SLC25A14: variants seen among roughly 807,000 people sequenced by gnomAD.
SLC25A14 encodes solute carrier family 25 member 14, also known as brain mitochondrial carrier protein 1.
Under a neutral mutation model 28.1 loss-of-function variants are expected in SLC25A14, and 8 were observed. That is an observed-to-expected ratio of 0.28 (90% CI 0.17 to 0.51). SLC25A14 has a LOEUF of 0.51. SLC25A14 is among the 20% of genes least tolerant of loss of function. The pLI, the probability that SLC25A14 is intolerant of heterozygous loss-of-function variation, is 0.97. For synonymous variants in SLC25A14, 74 were observed against 90.6 expected (o/e 0.82, Z 1.04); for missense variants, 135 against 263.8 (o/e 0.51, Z 3.38).
chrX:130,344,466 G>A (rs959789458), intron 2 of SLC25A14, among the ~76,000 whole-genome samples: 8 of 111,520 alleles, frequency 7.2e-5, no homozygotes, highest in African/African-American at 2.3e-4. Context: ...AGCAGAATAC[G>A]TTGTTAAAGA....
intron 4 of SLC25A14, among the ~76,000 whole-genome samples, chrX:130,348,843 A>G (rs1356427600): frequency 1.2e-5 from 1 of 86,044 alleles, no homozygotes; most frequent in Non-Finnish European, 2.1e-5. Flanking sequence ...TTCCCTCAGC[A>G]CTGCTTTGGC....
chrX:130,363,279 A>G (rs1000821118), intron 7 of SLC25A14, among the ~76,000 whole-genome samples: 2 of 112,461 alleles, frequency 1.8e-5, no homozygotes, highest in Middle Eastern at 4.6e-3. Context: ...TAGGTATTTC[A>G]TGTAAATGGA....
chrX:130,373,160 T>TGA lies in SLC25A14; in HGVS notation c.*213_*214dup. ...TTTCCCCGAGAGAAAGTGTTAACAT[T>TGA]GAGACTCTGGCCCCAGATTGGTATC... On this transcript the variant is annotated 3_prime_UTR_variant, in exon 11 of 11. Coordinates refer to ENST00000545805, the MANE Select transcript of SLC25A14 (RefSeq NM_001282195.2). 5.4e-6 allele frequency: 2 copies of TGA among 369,712 alleles called. 1 individual carries two copies. Among genetic ancestry groups the TGA allele is most frequent in the Middle Eastern group, 1.5e-3 (2 of 1,378 alleles). The allele number at this position is 369,712 out of a possible 1,213,427, so 30.5% of individuals were successfully genotyped here. A position where few individuals can be genotyped will look rare whatever the true frequency, so the allele number is the denominator to read the frequency against.
Position 130,373,054 on chromosome X carries a change from G to C in SLC25A14, c.*104G>C. 2 of 630,253 alleles carry C rather than the reference G, an allele frequency of 3.2e-6. No homozygotes were observed. The highest frequency in any genetic ancestry group is 7.0e-5 in the East Asian group (2 of 28,610). The allele number at this position is 630,253 out of a possible 1,213,427, so 51.9% of individuals were successfully genotyped here. ...CAATGTTGTAAGTGTTTACCAAGCCGTTGGTCTCCTAAGGGCCTCCTGATG... is the reference window on the plus strand; with the variant it reads ...CAATGTTGTAAGTGTTTACCAAGCCCTTGGTCTCCTAAGGGCCTCCTGATG... On this transcript the variant is annotated 3_prime_UTR_variant, in exon 11 of 11. Coordinates refer to ENST00000545805, the MANE Select transcript of SLC25A14 (RefSeq NM_001282195.2).
At chrX:130,368,000 C>T (rs1273510006) in intron 9 of SLC25A14, among the ~76,000 whole-genome samples, 6 of 112,069 alleles carry the variant, frequency 5.4e-5, no homozygotes, top group East Asian at 2.8e-4. Context: ...AGGCTGGTCT[C>T]GAACTCCTAA....
Position 130,350,656 on chromosome X carries a change from T to C in SLC25A14, c.423T>C (p.Leu141=). 1.7e-6 allele frequency: 2 copies of C among 1,157,400 alleles called. No homozygotes were observed. Among genetic ancestry groups the C allele is most frequent in the African/African-American group, 3.6e-5 (2 of 56,130 alleles). ...TTTTCCTTTTCACAGATGAAACTCTTTTAATTAATATGATCTGTGGGGTAG... is the reference window on the plus strand; with the variant it reads ...TTTTCCTTTTCACAGATGAAACTCTCTTAATTAATATGATCTGTGGGGTAG... ...LFVERLEDET[L]LINMICGVVS... is the part of the protein sequence containing the mutation. Residue 141 remains leucine (L), a synonymous_variant, in exon 6 of 11, where the codon CTT becomes CTC. Coordinates refer to ENST00000545805, the MANE Select transcript of SLC25A14 (RefSeq NM_001282195.2).
chrX:130,358,382 G>T (rs748343858), intron 6 of SLC25A14, among the ~76,000 whole-genome samples: 3 of 111,388 alleles, frequency 2.7e-5, no homozygotes, highest in Non-Finnish European at 3.8e-5. Flanking sequence ...TTTTCTTCTA[G>T]CTCCAGAAAT....
chrX:130,341,032 T>G (rs1403825927), intron 2 of SLC25A14, among the ~76,000 whole-genome samples: 1 of 111,894 alleles, frequency 8.9e-6, no homozygotes, highest in Non-Finnish European at 1.9e-5. Flanking sequence ...TGCTTCTACA[T>G]GCTGTGCTTG....
In SLC25A14 at chrX:130,353,877, TCTTA is replaced by T. The variant is rs944404670; in HGVS notation, c.498+3151_498+3154del. Among the ~76,000 whole-genome samples the T allele has an allele frequency of 1.8e-5, 2 of 112,056 alleles. 1 individual carries two copies. Among genetic ancestry groups the T allele is most frequent in the Admixed American group, 1.9e-4 (2 of 10,605 alleles). On this transcript the variant is annotated intron_variant, in intron 6 of 10. Transcript: ENST00000545805. ...AATCCAGTGGACATTTTAGTTCTCA[TCTTA>T]CTTAACCTATTTTGACTAATTCCTT...
At position 130,372,895 on chromosome X, in the gene SLC25A14, G is replaced by A; in HGVS notation, c.937-14G>A. The A allele has an allele frequency of 3.5e-6, 4 of 1,159,221 alleles. No individual in the cohort carries two copies. The highest frequency in any genetic ancestry group is 1.9e-5 in the South Asian group (1 of 53,902). The stretch of plus-strand genomic sequence containing the variant: ...CGATATCAACCTGGTGATCTTCCTT[G>A]ACTTACTCCTCAGTTTTTTATTACA... On this transcript the variant is annotated splice_polypyrimidine_tract_variant and intron_variant, in intron 10 of 10. Transcript: ENST00000545805.
chrX:130,345,320 G>A, intron 3 of SLC25A14, 45 bp downstream of exon 3: 1 of 802,983 alleles, frequency 1.2e-6, no homozygotes. Flanking sequence ...CGGTATAGAT[G>A]GTAGCTTATG....
intron 6 of SLC25A14, among the ~76,000 whole-genome samples, chrX:130,354,259 G>A (rs1040729440): frequency 4.5e-5 from 5 of 110,203 alleles, no homozygotes; most frequent in Middle Eastern, 4.6e-3. Context: ...GACTACAGGC[G>A]CCCGCCACCA....
rs376916483 is a variant in SLC25A14 at position 130,355,021 on chromosome X, G to A, written c.499-3619G>A. ...TATTGTATGCAATAAGAGAAAGTAC[G>A]GGTCTCGATCCAGGATACTTCAAAC... On this transcript the variant is annotated intron_variant, in intron 6 of 10. Coordinates refer to ENST00000545805, the MANE Select transcript of SLC25A14 (RefSeq NM_001282195.2). Among the ~76,000 whole-genome samples, 30 of 112,255 alleles carry A rather than the reference G, an allele frequency of 2.7e-4. No individual in the cohort carries two copies. In the East Asian group the frequency reaches 7.5e-3, roughly 28 times the overall value.
intron 6 of SLC25A14, among the ~76,000 whole-genome samples, chrX:130,352,908 T>C (rs938956491): frequency 2.0e-4 from 22 of 112,551 alleles, no homozygotes; most frequent in South Asian, 1.4e-3. Flanking sequence ...AGAAGATTTT[T>C]AGTTTAATCA....
chrX:130,355,445 T>C (rs1320187531), intron 6 of SLC25A14, among the ~76,000 whole-genome samples: 2 of 112,267 alleles, frequency 1.8e-5, no homozygotes, highest in Non-Finnish European at 3.8e-5. Flanking sequence ...AACGTCTTTG[T>C]ACACATCACG....
chrX:130,371,315 T>C (rs1449501124), intron 9 of SLC25A14, among the ~76,000 whole-genome samples: 1 of 111,372 alleles, frequency 9.0e-6, no homozygotes, highest in East Asian at 2.8e-4. Flanking sequence ...CTGGCTACCA[T>C]AGACACTTTT....
chrX:130,356,890 C>T (rs1259692801), intron 6 of SLC25A14, among the ~76,000 whole-genome samples: 3 of 111,964 alleles, frequency 2.7e-5, no homozygotes, highest in African/African-American at 9.7e-5. Flanking sequence ...GACCTCATCT[C>T]AGTAGCCTCC....
intron 8 of SLC25A14, 81 bp from the exon 9 acceptor site, chrX:130,365,460 A>G (rs1358981873): frequency 8.5e-7 from 1 of 1,178,337 alleles, no homozygotes; most frequent in Non-Finnish European, 1.1e-6. Flanking sequence ...GTTATATTGT[A>G]CAGTTTACGT....
intron 4 of SLC25A14, among the ~76,000 whole-genome samples, chrX:130,348,159 G>C (rs772049996): frequency 3.6e-5 from 4 of 110,821 alleles, no homozygotes; most frequent in African/African-American, 1.3e-4. Context: ...TCTCTTTTCT[G>C]GGTTGCAGAC....
Sources: gnomAD v4.1 joint callset for allele counts (sites outside exome capture counted in the v4.1 genomes callset) on GRCh38, gnomAD v4.1.1 for gene constraint, MANE v1.5 for transcripts, NCBI Gene and HGNC (gene_info 2026-07-23, HGNC 2026-07-21) for gene names.